Variants in RPL41 observed in about 807,000 individuals in gnomAD.
RPL41 encodes ribosomal protein L41, also known as small ribosomal subunit protein eS32.
In RPL41, 3 loss-of-function variants were observed where a neutral mutation model predicts 7.3. The observed-to-expected ratio is 0.41, with a 90% CI of 0.19 to 1.06. The LOEUF is 1.06. Ranked by LOEUF, RPL41 falls within the 50% of genes least tolerant of loss-of-function variation. RPL41 has a pLI of 0.32. For missense variants in RPL41, 13 were observed against 30.4 expected (o/e 0.43, Z 1.35); for synonymous variants, 9 against 7.4 (o/e 1.21, Z -0.34).
Position 56,117,424 on chromosome 12 carries a change from T to C in RPL41, c.36-58T>C, listed in dbSNP as rs73340330. 5,394 of 1,526,534 alleles carry C rather than the reference T, an allele frequency of 3.5e-3. 141 individuals carry two copies. The African/African-American group carries it at 0.061, about 17-fold the overall frequency. The allele number at this position is 1,526,534 out of a possible 1,614,324, so 94.6% of individuals were successfully genotyped here. A position where few individuals can be genotyped will look rare whatever the true frequency, so the allele number is the denominator to read the frequency against. ...CTTTATGTGGACGTTTGATTTAATG[T>C]GGGAGGGAAAGGCAACTCTGGTTTG... On this transcript the variant is annotated intron_variant, in intron 2 of 2. Coordinates refer to ENST00000546591, the MANE Select transcript of RPL41 (RefSeq NM_001035267.2).
Position 56,116,814 on chromosome 12 carries a change from G to C in RPL41, c.12+15G>C, listed in dbSNP as rs1237129159. ...TGAGAGCCAAGGTGAGCGGTTCCTG[G>C]TAGTAAGCTTGGGAGGTAGGAGTTG... On this transcript the variant is annotated intron_variant, in intron 1 of 2. Transcript: ENST00000546591. 1.9e-6 allele frequency: 3 copies of C among 1,614,028 alleles called. No individual in the cohort carries two copies. The East Asian group carries it at 6.7e-5, about 36-fold the overall frequency.
chr12:56,117,294 A>C, intron 2 of RPL41, 83 bp downstream of exon 2: 1 of 1,535,262 alleles, frequency 6.5e-7, no homozygotes, highest in Non-Finnish European at 8.8e-7. Context: ...GAAATCTTAA[A>C]AGATCTTTAG....
At position 56,116,640 on chromosome 12, in the gene RPL41, C is replaced by A; in HGVS notation, c.-148C>A. The A allele has an allele frequency of 2.1e-6, 2 of 964,358 alleles. No individual in the cohort carries two copies. Among genetic ancestry groups the A allele is most frequent in the Admixed American group, 1.8e-5 (1 of 56,040 alleles). The allele number at this position is 964,358 out of a possible 1,614,324, so 59.7% of individuals were successfully genotyped here. ...AGACGGAACTTCGCCTTTCTCTCGG[C>A]CTTAGCGCCATTTTTTTGGGTGAGT... On this transcript the variant is annotated 5_prime_UTR_variant, in exon 1 of 3. Transcript: ENST00000546591.
rs1370600382 is a variant in RPL41 at position 56,117,907 on chromosome 12, G to C, written c.*383G>C. 6.0e-6 allele frequency: 2 copies of C among 333,278 alleles called. No individual in the cohort carries two copies. Among genetic ancestry groups the C allele is most frequent in the Non-Finnish European group, 1.2e-5 (2 of 170,168 alleles). The allele number at this position is 333,278 out of a possible 1,614,324, so 20.6% of individuals were successfully genotyped here. A position where few individuals can be genotyped will look rare whatever the true frequency, so the allele number is the denominator to read the frequency against. ...ATTAGAGTTTGCCCTGTCACTACCT[G>C]TGCTATGGAGGGTATCAAAGCTATA... On this transcript the variant is annotated 3_prime_UTR_variant, in exon 3 of 3. Coordinates refer to ENST00000546591, the MANE Select transcript of RPL41 (RefSeq NM_001035267.2).
chr12:56,117,734 C>G lies in RPL41; in HGVS notation c.*210C>G. The G allele has an allele frequency of 1.7e-6, 1 of 574,010 alleles. No individual in the cohort carries two copies. Among genetic ancestry groups the G allele is most frequent in the South Asian group, 1.9e-5 (1 of 51,412 alleles). The allele number at this position is 574,010 out of a possible 1,614,324, so 35.6% of individuals were successfully genotyped here. A position where few individuals can be genotyped will look rare whatever the true frequency, so the allele number is the denominator to read the frequency against. On this transcript the variant is annotated 3_prime_UTR_variant, in exon 3 of 3. Transcript: ENST00000546591. The stretch of plus-strand genomic sequence containing the variant: ...CCCATGTTGGTCCTCTGCCCTGGAC[C>G]TGTGACATTCTGGACTATTTCTGTG...
intron 2 of RPL41, 134 bp downstream of exon 2, chr12:56,117,345 T>A: frequency 7.1e-7 from 1 of 1,409,030 alleles, no homozygotes; most frequent in Non-Finnish European, 9.8e-7. Context: ...AGCCAGGATT[T>A]AACAGAACAG....
At position 56,117,191 on chromosome 12, in the gene RPL41, G is replaced by A. The variant is rs750687265; in HGVS notation, c.15G>A (p.Trp5Ter). Residue 5 changes from tryptophan to a stop codon, truncating the protein, a stop_gained and splice_region_variant, in exon 2 of 3, where the codon TGG becomes TGA. Coordinates refer to ENST00000546591, the MANE Select transcript of RPL41 (RefSeq NM_001035267.2). LOFTEE classifies it high-confidence loss of function. ...TGCTGCTTGTGATCGGTTGCTAGTGGAGGAAGAAGCGAATGCGCAGGTACG... is the reference window on the plus strand; with the variant it reads ...TGCTGCTTGTGATCGGTTGCTAGTGAAGGAAGAAGCGAATGCGCAGGTACG... MRAK[W>*]RKKRMRRLKR... The A allele has an allele frequency of 3.1e-6, 5 of 1,597,602 alleles. No homozygotes were observed. Among genetic ancestry groups the A allele is most frequent in the Non-Finnish European group, 4.3e-6 (5 of 1,175,614 alleles).
In RPL41 at chr12:56,117,896, T is replaced by C. The variant is rs1380901187; in HGVS notation, c.*372T>C. On this transcript the variant is annotated 3_prime_UTR_variant, in exon 3 of 3. Coordinates refer to ENST00000546591, the MANE Select transcript of RPL41 (RefSeq NM_001035267.2). ...GGTTTTCTGTCATTAGAGTTTGCCC[T>C]GTCACTACCTGTGCTATGGAGGGTA... 5.7e-6 allele frequency: 2 copies of C among 351,038 alleles called. No homozygotes were observed. The highest frequency in any genetic ancestry group is 1.1e-5 in the Non-Finnish European group (2 of 179,564). The allele number at this position is 351,038 out of a possible 1,614,324, so 21.7% of individuals were successfully genotyped here.
chr12:56,117,180 G>A lies in RPL41; in HGVS notation c.13-9G>A. The A allele has an allele frequency of 6.3e-7, 1 of 1,575,378 alleles. No individual in the cohort carries two copies. Among genetic ancestry groups the A allele is most frequent in the Non-Finnish European group, 8.6e-7 (1 of 1,166,956 alleles). On this transcript the variant is annotated splice_polypyrimidine_tract_variant and intron_variant, in intron 1 of 2. Coordinates refer to ENST00000546591, the MANE Select transcript of RPL41 (RefSeq NM_001035267.2). ...TTTTAATTATCTGCTGCTTGTGATC[G>A]GTTGCTAGTGGAGGAAGAAGCGAAT...
rs765683979 is a variant in RPL41, at chr12:56,116,650, A to G, written c.-138A>G. ...TCGCCTTTCTCTCGGCCTTAGCGCC[A>G]TTTTTTTGGGTGAGTGTTTTTTGGT... On this transcript the variant is annotated 5_prime_UTR_variant, in exon 1 of 3. Coordinates refer to ENST00000546591, the MANE Select transcript of RPL41 (RefSeq NM_001035267.2). 2.2e-5 allele frequency: 24 copies of G among 1,089,394 alleles called. No individual in the cohort carries two copies. Among genetic ancestry groups the G allele is most frequent in the East Asian group, 7.1e-5 (3 of 42,072 alleles). The allele number at this position is 1,089,394 out of a possible 1,614,324, so 67.5% of individuals were successfully genotyped here. A position where few individuals can be genotyped will look rare whatever the true frequency, so the allele number is the denominator to read the frequency against.
intron 2 of RPL41, 110 bp from the exon 3 acceptor site, chr12:56,117,372 A>G: frequency 7.1e-7 from 1 of 1,407,566 alleles, no homozygotes; most frequent in Non-Finnish European, 9.8e-7. Context: ...ATAGAACCGT[A>G]GTGCTTGTTC....
chr12:56,117,837 G>C lies in RPL41; in HGVS notation c.*313G>C. ...TTTAGCTGAAGAATTAAATCATCTT[G>C]TCTATTATGTTTTTTATGGTTCCAT... On this transcript the variant is annotated 3_prime_UTR_variant, in exon 3 of 3. Coordinates refer to ENST00000546591, the MANE Select transcript of RPL41 (RefSeq NM_001035267.2). The C allele has an allele frequency of 2.5e-6, 1 of 398,786 alleles. No homozygotes were observed. Among genetic ancestry groups the C allele is most frequent in the Non-Finnish European group, 4.8e-6 (1 of 209,772 alleles). 24.7% of individuals were successfully genotyped at this position (398,786 alleles called of 1,614,324 possible).
chr12:56,116,850 G>A, intron 1 of RPL41, 51 bp downstream of exon 1: 2 of 1,611,550 alleles, frequency 1.2e-6, no homozygotes, highest in Non-Finnish European at 1.7e-6. Flanking sequence ...GCGAGTAGTA[G>A]CGAGGAGACG....
In RPL41 at chr12:56,116,672, TGG is replaced by T. The variant is rs1262857267; in HGVS notation, c.-115_-114del. ...GCCATTTTTTTGGGTGAGTGTTTTT[TGG>T]TTCCTGCGTTGGGATTCCGTGTACA... On this transcript the variant is annotated 5_prime_UTR_variant, in exon 1 of 3. Transcript: ENST00000546591. 2 of 1,303,304 alleles carry T rather than the reference TGG, an allele frequency of 1.5e-6. No individual in the cohort carries two copies. Among genetic ancestry groups the T allele is most frequent in the African/African-American group, 2.9e-5 (2 of 68,642 alleles). The allele number at this position is 1,303,304 out of a possible 1,614,324, so 80.7% of individuals were successfully genotyped here.
chr12:56,117,068 G>A lies in RPL41; in HGVS notation c.13-121G>A, dbSNP rs186547465. 309 of 1,365,082 alleles carry A rather than the reference G, an allele frequency of 2.3e-4. 1 individual carries two copies. The African/African-American group carries it at 4.1e-3, about 18-fold the overall frequency. 84.6% of individuals were successfully genotyped at this position (1,365,082 alleles called of 1,614,324 possible). A position where few individuals can be genotyped will look rare whatever the true frequency, so the allele number is the denominator to read the frequency against. Reference sequence around the variant, plus strand: ...TTACGACCAATCTTTCATACTTCTTGGTTAAGAATCTGTCCGGTTCTAAAG... The same window carrying A: ...TTACGACCAATCTTTCATACTTCTTAGTTAAGAATCTGTCCGGTTCTAAAG... On this transcript the variant is annotated intron_variant, in intron 1 of 2. Transcript: ENST00000546591.
rs1869604512 is a variant in RPL41 at position 56,116,652 on chromosome 12, T to A, written c.-136T>A. 9.1e-7 allele frequency: 1 copy of A among 1,100,496 alleles called. No individual in the cohort carries two copies. The highest frequency in any genetic ancestry group is 1.4e-6 in the Non-Finnish European group (1 of 718,382). The allele number at this position is 1,100,496 out of a possible 1,614,324, so 68.2% of individuals were successfully genotyped here. A position where few individuals can be genotyped will look rare whatever the true frequency, so the allele number is the denominator to read the frequency against. On this transcript the variant is annotated 5_prime_UTR_variant, in exon 1 of 3. Transcript: ENST00000546591. ...GCCTTTCTCTCGGCCTTAGCGCCAT[T>A]TTTTTGGGTGAGTGTTTTTTGGTTC...
intron 1 of RPL41, 27 bp from the exon 2 acceptor site, chr12:56,117,162 T>TA: frequency 6.4e-7 from 1 of 1,556,222 alleles, no homozygotes; most frequent in Non-Finnish European, 8.6e-7. Flanking sequence ...TTTTTTTAAT[T>TA]ATCTGCTGCT....
At position 56,117,757 on chromosome 12, in the gene RPL41, GTGTT is replaced by G. The variant is rs1869666203; in HGVS notation, c.*235_*238del. 1 of 539,996 alleles carries G rather than the reference GTGTT, an allele frequency of 1.9e-6. No individual in the cohort carries two copies. The highest frequency in any genetic ancestry group is 2.0e-5 in the South Asian group (1 of 50,154). The allele number at this position is 539,996 out of a possible 1,614,324, so 33.5% of individuals were successfully genotyped here. A position where few individuals can be genotyped will look rare whatever the true frequency, so the allele number is the denominator to read the frequency against. On this transcript the variant is annotated 3_prime_UTR_variant, in exon 3 of 3. Coordinates refer to ENST00000546591, the MANE Select transcript of RPL41 (RefSeq NM_001035267.2). ...ACCTGTGACATTCTGGACTATTTCT[GTGTT>G]TATTTGTGGCCGAGTGTAACAACCA... is the stretch of plus-strand genomic sequence containing the variant.
Position 56,117,737 on chromosome 12 carries a change from T to C in RPL41, c.*213T>C. The stretch of plus-strand genomic sequence containing the variant: ...ATGTTGGTCCTCTGCCCTGGACCTG[T>C]GACATTCTGGACTATTTCTGTGTTT... On this transcript the variant is annotated 3_prime_UTR_variant, in exon 3 of 3. Coordinates refer to ENST00000546591, the MANE Select transcript of RPL41 (RefSeq NM_001035267.2). 2 of 573,816 alleles carry C rather than the reference T, an allele frequency of 3.5e-6. No homozygotes were observed. Among genetic ancestry groups the C allele is most frequent in the East Asian group, 6.0e-5 (2 of 33,274 alleles). The allele number at this position is 573,816 out of a possible 1,614,324, so 35.5% of individuals were successfully genotyped here. A position where few individuals can be genotyped will look rare whatever the true frequency, so the allele number is the denominator to read the frequency against.
Sources: allele counts gnomAD v4.1 joint callset, GRCh38; gene constraint gnomAD v4.1.1; transcripts MANE v1.5; gene names NCBI Gene and HGNC (gene_info 2026-07-23, HGNC 2026-07-21).